Variants in SPATA24 observed in about 807,000 individuals in gnomAD.
SPATA24 encodes spermatogenesis associated 24.
Under a neutral mutation model 28.9 loss-of-function variants are expected in SPATA24, and 21 were observed. That is an observed-to-expected ratio of 0.73 (90% CI 0.52 to 1.05). The LOEUF is 1.05. Ranked by LOEUF, SPATA24 falls within the 50% of genes least tolerant of loss-of-function variation. The pLI, the probability that SPATA24 is intolerant of heterozygous loss-of-function variation, is 0.00. For missense variants in SPATA24, 215 were observed against 242.9 expected (o/e 0.88, Z 0.76); for synonymous variants, 76 against 89.9 (o/e 0.85, Z 0.88).
At chr5:139,393,375 T>A, downstream of SPATA24, 1 of 1,551,584 alleles carries the variant, frequency 6.4e-7, no homozygotes, top group Non-Finnish European at 8.7e-7. Flanking sequence ...GATCTGAAAT[T>A]TCCCGCGTGG....
downstream of SPATA24, chr5:139,392,982 C>G: frequency 6.6e-7 from 1 of 1,508,408 alleles, no homozygotes; most frequent in Non-Finnish European, 8.9e-7. This position sits in a 1 kb window ranked among gnomAD's most constrained non-coding sequence, Gnocchi z 5.8. Flanking sequence ...TGTCGAAGGA[C>G]GGTTCAGGAG....
Position 139,397,062 on chromosome 5 carries a change from C to G in SPATA24, c.467G>C (p.Ser156Thr). The G allele has an allele frequency of 6.4e-7, 1 of 1,551,812 alleles. No homozygotes were observed. Among genetic ancestry groups the G allele is most frequent in the Non-Finnish European group, 8.7e-7 (1 of 1,147,014 alleles). Residue 156 changes from serine (S) to threonine (T), a missense_variant, in exon 5 of 6, where the codon AGC (serine) becomes ACC (threonine). Ser to Thr is a moderately conservative substitution (Grantham distance 58). Coordinates refer to ENST00000450845, the MANE Select transcript of SPATA24 (RefSeq NM_194296.2). ...TCACCTGAAGATCTGTTTCTGCTGGCTGATAACTTGCTGCAACTCTTTAAT... is the reference window on the plus strand; with the variant it reads ...TCACCTGAAGATCTGTTTCTGCTGGGTGATAACTTGCTGCAACTCTTTAAT... Reference protein sequence around the residue: ...NEIKELQQVISQQKQIFRNHM... With the variant: ...NEIKELQQVITQQKQIFRNHM...
chr5:139,400,546 G>A (rs1758799981), intron 4 of SPATA24, among the ~76,000 whole-genome samples: 1 of 152,004 alleles, frequency 6.6e-6, no homozygotes, highest in African/African-American at 2.4e-5. Flanking sequence ...GACCTCATGT[G>A]ATCCGCTTGC....
At chr5:139,393,306 G>C, downstream of SPATA24, 1 of 1,550,630 alleles carries the variant, frequency 6.4e-7, no homozygotes, top group Non-Finnish European at 8.7e-7. Flanking sequence ...CCACAGGGTG[G>C]CTGCCGGGCG....
intron 4 of SPATA24, among the ~76,000 whole-genome samples, chr5:139,401,252 C>T (rs1561993077): frequency 6.6e-6 from 1 of 152,170 alleles, no homozygotes; most frequent in Non-Finnish European, 1.5e-5. Flanking sequence ...TGAGCCCAGG[C>T]ATTTGAGACC....
chr5:139,394,472 TC>T (rs751194591), downstream of SPATA24: 24 of 1,422,120 alleles, frequency 1.7e-5, no homozygotes, highest in Non-Finnish European at 2.1e-5. Flanking sequence ...TTGGGCACTG[TC>T]CGGGGCCTGG....
chr5:139,393,349 C>G (rs1758633174), downstream of SPATA24: 2 of 1,551,290 alleles, frequency 1.3e-6, no homozygotes, highest in Admixed American at 2.0e-5. Context: ...GGACTGCTGA[C>G]TCCCTCCAAA....
At chr5:139,394,744 A>G (rs1758664506), downstream of SPATA24, 1 of 1,533,630 alleles carries the variant, frequency 6.5e-7, no homozygotes, top group Admixed American at 2.0e-5. Context: ...GCCGAAGATG[A>G]CTTCCATCTC....
downstream of SPATA24, chr5:139,396,250 C>T: frequency 1.0e-6 from 1 of 985,418 alleles, no homozygotes; most frequent in Non-Finnish European, 1.2e-6. Flanking sequence ...AATGTTGCTG[C>T]TCCATCCCAT....
downstream of SPATA24, chr5:139,395,210 G>T: frequency 1.1e-6 from 1 of 939,698 alleles, no homozygotes; most frequent in Non-Finnish European, 1.4e-6. Context: ...CCACTCCTGA[G>T]CCAGCGGCGC....
downstream of SPATA24, chr5:139,394,246 G>C: frequency 6.5e-7 from 1 of 1,547,580 alleles, no homozygotes; most frequent in Non-Finnish European, 8.7e-7. Flanking sequence ...CCGGGTCTCA[G>C]GTTCCGACCG....
intron 4 of SPATA24, among the ~76,000 whole-genome samples, chr5:139,397,860 CTTTA>C (rs908087751): frequency 1.2e-4 from 19 of 152,274 alleles, no homozygotes; most frequent in South Asian, 1.0e-3. Flanking sequence ...CAACATCCTG[CTTTA>C]TTTTTCTTAA....
In SPATA24 at chr5:139,401,807, G is replaced by A; in HGVS notation, c.333C>T (p.Ser111=). ...TCTTGCTGGACTCCTGAAGGACTTT[G>A]CTCTTGACACTGGAGAGCCTGGGTG... ...AFEKALSSVK[S]KVLQESSKKD... is the part of the protein sequence containing the mutation. The change falls in exon 4 of 6, where the codon AGC becomes AGT. Residue 111 remains serine (S), a synonymous_variant. Transcript: ENST00000450845. The A allele has an allele frequency of 6.4e-7, 1 of 1,551,464 alleles. No homozygotes were observed. The highest frequency in any genetic ancestry group is 8.7e-7 in the Non-Finnish European group (1 of 1,146,802).
At chr5:139,392,936 G>T (rs1209065535), downstream of SPATA24, 2 of 1,521,194 alleles carry the variant, frequency 1.3e-6, no homozygotes, top group Non-Finnish European at 1.8e-6. This position sits in a 1 kb window ranked among gnomAD's most constrained non-coding sequence, Gnocchi z 5.8. Context: ...CTCCGCCGCA[G>T]GACCCCGTTG....
At chr5:139,395,202 A>C, downstream of SPATA24, 2 of 1,038,892 alleles carry the variant, frequency 1.9e-6, no homozygotes, top group Non-Finnish European at 2.6e-6. Context: ...GGCCGCGTCC[A>C]CTCCTGAGCC....
chr5:139,393,815 G>C (rs371305571), downstream of SPATA24: 1 of 1,551,236 alleles, frequency 6.4e-7, no homozygotes, highest in South Asian at 1.2e-5. Flanking sequence ...CTCACCCTCC[G>C]AGTAGTCCGA....
chr5:139,397,546 GCTTT>G (rs1402429138), intron 4 of SPATA24, among the ~76,000 whole-genome samples: 1 of 142,440 alleles, frequency 7.0e-6, no homozygotes, highest in Non-Finnish European at 1.5e-5. Context: ...CCCTCTTCCT[GCTTT>G]CTCTTTTTTT....
chr5:139,404,023 C>G lies in SPATA24; in HGVS notation c.38G>C (p.Gly13Ala). ...TTGATCTAAAGCGAGACACACAGATCCTGACCCCGCCTTCGACCACCCGAG... is the reference window on the plus strand; with the variant it reads ...TTGATCTAAAGCGAGACACACAGATGCTGACCCCGCCTTCGACCACCCGAG... The part of the protein sequence containing the change: ...TPLGWSKAGS[G>A]SVCLALDQLR... The change falls in exon 1 of 6, where the codon GGA (glycine) becomes GCA (alanine). Residue 13 changes from glycine (G) to alanine (A), a missense_variant. Physicochemically the swap from Gly to Ala is moderately conservative, Grantham distance 60. Transcript: ENST00000450845. 6.4e-7 allele frequency: 1 copy of G among 1,551,912 alleles called. No individual in the cohort carries two copies. Among genetic ancestry groups the G allele is most frequent in the Non-Finnish European group, 8.7e-7 (1 of 1,147,058 alleles).
downstream of SPATA24, chr5:139,392,682 G>A (rs11743760): frequency 2.8e-4 from 387 of 1,396,262 alleles, no homozygotes; most frequent in Non-Finnish European, 3.5e-4. The surrounding 1 kb of genome is among the most constrained non-coding windows in gnomAD (Gnocchi z 5.8). Flanking sequence ...GGGAGCCGGG[G>A]CGGGGCGATC....
Sources: gnomAD v4.1 joint callset for allele counts (sites outside exome capture counted in the v4.1 genomes callset) on GRCh38, gnomAD v4.1.1 for gene constraint, Gnocchi (gnomAD v3.1) non-coding constraint, MANE v1.5 for transcripts, NCBI Gene and HGNC (gene_info 2026-07-23, HGNC 2026-07-21) for gene names.